The following C1orf116 variants were observed in gnomAD, a reference collection of about 807,000 sequenced individuals.
The protein encoded by C1orf116 is chromosome 1 open reading frame 116, also known as specifically androgen-regulated gene protein.
A neutral mutation model predicts 14.1 loss-of-function variants in C1orf116; 12 were observed. The ratio of observed to expected loss-of-function variants is 0.85; its 90% CI spans 0.54 to 1.38. The LOEUF (loss-of-function observed/expected upper bound fraction) is 1.38, where lower values mean the gene tolerates loss of function less well. C1orf116 is among the 40% of genes most tolerant of loss of function. The probability of loss-of-function intolerance (pLI) is 0.00; values close to 1 mark genes in which losing one functional copy is unlikely to be tolerated. For missense variants in C1orf116, 797 were observed against 747.0 expected, an observed-to-expected ratio of 1.07 and a Z score of -0.78; for synonymous variants, 296 against 299.0, an observed-to-expected ratio of 0.99 and a Z score of 0.10.
chr1:207,022,885 G>A lies in C1orf116; in HGVS notation c.879C>T (p.Leu293=). ...GEDPNSRLAP[L]TTPKPRKLPP... ...GCAGCTTCCGGGGCTTAGGGGTTGT[G>A]AGGGGAGCTAGTCGGCTGTTTGGGT... The change falls in exon 4 of 4, where the codon CTC becomes CTT. Residue 293 remains leucine, a synonymous_variant. Coordinates refer to ENST00000359470, the MANE Select transcript of C1orf116 (RefSeq NM_023938.6). The A allele has an allele frequency of 1.2e-6, 2 of 1,614,116 alleles. No homozygotes were observed. Among genetic ancestry groups the A allele is most frequent in the Non-Finnish European group, 1.7e-6 (2 of 1,179,996 alleles).
At position 207,022,763 on chromosome 1, in the gene C1orf116, C is replaced by T; in HGVS notation, c.1001G>A (p.Gly334Asp). Residue 334 changes from glycine (G) to aspartate (D), a missense_variant, in exon 4 of 4, where the codon GGC becomes GAC. Coordinates refer to ENST00000359470, the MANE Select transcript of C1orf116 (RefSeq NM_023938.6). ...RHTEAAPGDS[G>D]LISCSLQEQR... The stretch of plus-strand genomic sequence containing the variant: ...CTCTTGCAGTGAACAGGAGATCAGG[C>T]CAGAATCTCCAGGGGCAGCCTCAGT... 1 of 1,614,148 alleles carries T rather than the reference C, an allele frequency of 6.2e-7. No individual in the cohort carries two copies. Among genetic ancestry groups the T allele is most frequent in the South Asian group, 1.1e-5 (1 of 91,082 alleles).
At chr1:207,027,789 G>T (rs544919915) in intron 1 of C1orf116, 110 bp from the exon 2 acceptor site, 18 of 1,281,250 alleles carry the variant, frequency 1.4e-5, no homozygotes, top group East Asian at 1.3e-4. Context: ...GAGCTGGAAG[G>T]GGGGCATGAA....
chr1:207,032,320 A>C (rs1572701221), intron 1 of C1orf116, among the ~76,000 whole-genome samples: 1 of 152,196 alleles, frequency 6.6e-6, no homozygotes, highest in African/African-American at 2.4e-5. Flanking sequence ...TGTTGTTTGC[A>C]CAATATGCCT....
intron 2 of C1orf116, among the ~76,000 whole-genome samples, chr1:207,026,778 A>T (rs1682091953): frequency 6.6e-6 from 1 of 152,260 alleles, no homozygotes; most frequent in Non-Finnish European, 1.5e-5. Context: ...CCAGCCTCAC[A>T]ACAACTGAGA....
In C1orf116 at chr1:207,024,870, C is replaced by A. The variant is rs761356778; in HGVS notation, c.283+17G>T. ...TCTGGGTTTTGCTGGGGTTCCACCC[C>A]AGAGGGTCTGCCTTACCCCGGGGAG... On this transcript the variant is annotated intron_variant, in intron 3 of 3. Coordinates refer to ENST00000359470, the MANE Select transcript of C1orf116 (RefSeq NM_023938.6). The A allele has an allele frequency of 2.5e-6, 4 of 1,603,266 alleles. No individual in the cohort carries two copies. The Admixed American group carries it at 6.7e-5, about 27-fold the overall frequency.
Position 207,022,939 on chromosome 1 carries a change from A to C in C1orf116, c.825T>G (p.Ala275=). Residue 275 remains alanine, a synonymous_variant, in exon 4 of 4, where the codon GCT becomes GCG. Transcript: ENST00000359470. ...CCCCTGATGAGAGGGGAGCATCTTC[A>C]GCTCTTGCATTCTGAGGCAACCCTG... is the stretch of plus-strand genomic sequence containing the variant. The part of the protein sequence containing the change: ...PPAGLPQNAR[A]EDAPLSSGED... 6.2e-7 allele frequency: 1 copy of C among 1,614,082 alleles called. No individual in the cohort carries two copies. Among genetic ancestry groups the C allele is most frequent in the Non-Finnish European group, 8.5e-7 (1 of 1,180,002 alleles).
Position 207,024,896 on chromosome 1 carries a change from T to G in C1orf116, c.274A>C (p.Thr92Pro). The G allele has an allele frequency of 6.2e-7, 1 of 1,606,980 alleles. No homozygotes were observed. Among genetic ancestry groups the G allele is most frequent in the Non-Finnish European group, 8.5e-7 (1 of 1,175,416 alleles). ...GFRALPITQP[T>P]PRGGPEETIT... The stretch of plus-strand genomic sequence containing the variant: ...AGAGGGTCTGCCTTACCCCGGGGAG[T>G]GGGTTGGGTTATGGGCAGTGCTCGG... Residue 92 changes from threonine (T) to proline (P), a missense_variant, in exon 3 of 4, where the codon ACT becomes CCT. Physicochemically the swap from Thr to Pro is conservative, Grantham distance 38. Transcript: ENST00000359470.
chr1:207,029,872 A>G (rs2102305871), intron 1 of C1orf116, among the ~76,000 whole-genome samples: 1 of 152,306 alleles, frequency 6.6e-6, no homozygotes, highest in Admixed American at 6.5e-5. Context: ...CAGGGCAGTA[A>G]ATATTTAAAG....
intron 1 of C1orf116, among the ~76,000 whole-genome samples, chr1:207,027,992 C>T (rs910890849): frequency 6.6e-5 from 10 of 152,174 alleles, no homozygotes; most frequent in South Asian, 2.1e-4. Flanking sequence ...ATATTACAGG[C>T]GTCAATACCT....
At position 207,023,449 on chromosome 1, in the gene C1orf116, T is replaced by C; in HGVS notation, c.315A>G (p.Gly105=). ...GGPEETITQQ[G]RTPRTVTESS... The stretch of plus-strand genomic sequence containing the variant: ...ACTCAGTTACTGTCCTTGGCGTTCG[T>C]CCTTGCTGAGTGATGGTCTCCTCTG... The change falls in exon 4 of 4, where the codon GGA becomes GGG. Residue 105 remains glycine (G), a synonymous_variant. Transcript: ENST00000359470. 1.2e-6 allele frequency: 2 copies of C among 1,612,980 alleles called. No homozygotes were observed. The highest frequency in any genetic ancestry group is 1.7e-6 in the Non-Finnish European group (2 of 1,179,522).
intron 1 of C1orf116, among the ~76,000 whole-genome samples, chr1:207,032,022 T>G (rs774966583): frequency 5.3e-5 from 8 of 152,136 alleles, no homozygotes; most frequent in Non-Finnish European, 8.8e-5. Context: ...TCATATCCCT[T>G]TACAAACAAC....
Position 207,023,110 on chromosome 1 carries a change from G to C in C1orf116, c.654C>G (p.Pro218=). The C allele has an allele frequency of 3.7e-6, 6 of 1,612,648 alleles. No individual in the cohort carries two copies. Among genetic ancestry groups the C allele is most frequent in the Non-Finnish European group, 5.1e-6 (6 of 1,179,858 alleles). The part of the protein sequence containing the change: ...QPEQCREASL[P]EGPGQQGHTP... Reference sequence around the variant, plus strand: ...TGTGGCCCTGCTGTCCTGGCCCCTCGGGCAGGCTGGCTTCCCTACACTGCT... The same window carrying C: ...TGTGGCCCTGCTGTCCTGGCCCCTCCGGCAGGCTGGCTTCCCTACACTGCT... The change falls in exon 4 of 4, where the codon CCC becomes CCG. Residue 218 remains proline (P), a synonymous_variant. Transcript: ENST00000359470.
Position 207,022,185 on chromosome 1 carries a change from G to A in C1orf116, c.1579C>T (p.Arg527Trp), listed in dbSNP as rs113091763. ...GTGCCCAGGGAGGCCGGGCGGGGCCGAGAATTACGTAAGACACTGGGCGAG... is the reference window on the plus strand; with the variant it reads ...GTGCCCAGGGAGGCCGGGCGGGGCCAAGAATTACGTAAGACACTGGGCGAG... ...KISPSVLRNS[R>W]PRPASLGTGK... Residue 527 changes from arginine to tryptophan, a missense_variant, in exon 4 of 4, where the codon CGG (arginine) becomes TGG (tryptophan). Transcript: ENST00000359470. The A allele has an allele frequency of 8.1e-5, 131 of 1,613,666 alleles. No individual in the cohort carries two copies. The highest frequency in any genetic ancestry group is 2.0e-4 in the African/African-American group (15 of 75,056).
At position 207,021,932 on chromosome 1, in the gene C1orf116, G is replaced by A. The variant is rs375065193; in HGVS notation, c.*26C>T. 107 of 1,490,338 alleles carry A rather than the reference G, an allele frequency of 7.2e-5. No homozygotes were observed. The highest frequency in any genetic ancestry group is 9.0e-5 in the Non-Finnish European group (101 of 1,118,878). The allele number at this position is 1,490,338 out of a possible 1,614,324, so 92.3% of individuals were successfully genotyped here. On this transcript the variant is annotated 3_prime_UTR_variant, in exon 4 of 4. Coordinates refer to ENST00000359470, the MANE Select transcript of C1orf116 (RefSeq NM_023938.6). ...CATGTGTCTCTTCTTGTTCAGCCAG[G>A]ACAGGGTCTGTACTGGTCGCAGAGT...
rs138480690 is a variant in C1orf116 at position 207,031,026 on chromosome 1, A to G, written c.-82+1553T>C. Among the ~76,000 whole-genome samples, 10 of 152,140 alleles carry G rather than the reference A, an allele frequency of 6.6e-5. No individual in the cohort carries two copies. The East Asian group carries it at 1.9e-3, about 29-fold the overall frequency. Reference sequence around the variant, plus strand: ...TGGCTTGTCTGTACCTTCTAATCAGACCCAGGTCCCTCTCATCCTCCTCCC... The same window carrying G: ...TGGCTTGTCTGTACCTTCTAATCAGGCCCAGGTCCCTCTCATCCTCCTCCC... On this transcript the variant is annotated intron_variant, in intron 1 of 3. Coordinates refer to ENST00000359470, the MANE Select transcript of C1orf116 (RefSeq NM_023938.6).
intron 1 of C1orf116, among the ~76,000 whole-genome samples, chr1:207,029,141 G>C (rs1682171274): frequency 2.6e-5 from 4 of 151,956 alleles, no homozygotes. Flanking sequence ...GAGCCCCAAG[G>C]AGCTCCTCTT....
At position 207,024,027 on chromosome 1, in the gene C1orf116, T is replaced by C. The variant is rs1263533011; in HGVS notation, c.284-547A>G. On this transcript the variant is annotated intron_variant, in intron 3 of 3. Coordinates refer to ENST00000359470, the MANE Select transcript of C1orf116 (RefSeq NM_023938.6). ...AATGCAAGCCTCTGAATAAGTGATT[T>C]GCTCTTGATTCAACCAGGCTTCTGC... 2.0e-5 allele frequency among the ~76,000 whole-genome samples: 3 copies of C among 152,206 alleles called. No homozygotes were observed. In the East Asian group the frequency reaches 5.8e-4, roughly 29 times the overall value.
Position 207,020,877 on chromosome 1 carries a change from A to G in C1orf116, c.*1081T>C, listed in dbSNP as rs1681825086. On this transcript the variant is annotated 3_prime_UTR_variant, in exon 4 of 4. Coordinates refer to ENST00000359470, the MANE Select transcript of C1orf116 (RefSeq NM_023938.6). ...GTAAGAACCTCAGCTCTTTCCCTAA[A>G]TGGCAGGCTGACCCGGGGTTAGTCA... The G allele has an allele frequency of 6.6e-6, 1 of 152,130 alleles. No homozygotes were observed. Among genetic ancestry groups the G allele is most frequent in the South Asian group, 2.1e-4 (1 of 4,818 alleles). The allele number at this position is 152,130 out of a possible 1,614,324, so 9.4% of individuals were successfully genotyped here.
Position 207,022,949 on chromosome 1 carries a change from T to G in C1orf116, c.815A>C (p.Asn272Thr). Residue 272 changes from asparagine (N) to threonine (T), a missense_variant, in exon 4 of 4, where the codon AAT becomes ACT. Physicochemically the swap from Asn to Thr is moderately conservative, Grantham distance 65. Coordinates refer to ENST00000359470, the MANE Select transcript of C1orf116 (RefSeq NM_023938.6). ...GAGGGGAGCATCTTCAGCTCTTGCA[T>G]TCTGAGGCAACCCTGCAGGAGGAGG... ...PQPPPAGLPQNARAEDAPLSS... is the reference protein window; with the variant it reads ...PQPPPAGLPQTARAEDAPLSS... The G allele has an allele frequency of 6.2e-7, 1 of 1,614,108 alleles. No individual in the cohort carries two copies. Among genetic ancestry groups the G allele is most frequent in the Non-Finnish European group, 8.5e-7 (1 of 1,180,004 alleles).
Sources: allele counts gnomAD v4.1 joint callset (sites outside exome capture counted in the v4.1 genomes callset), GRCh38; gene constraint gnomAD v4.1.1; transcripts MANE v1.5; gene names NCBI Gene and HGNC (gene_info 2026-07-23, HGNC 2026-07-21).